Variants in GNG12 observed in about 807,000 individuals in gnomAD.
GNG12 encodes guanine nucleotide-binding protein G(I)/G(S)/G(O) subunit gamma-12.
For missense variants in GNG12, 69 were observed against 83.8 expected, an observed-to-expected ratio of 0.82 and a Z score of 0.69; for synonymous variants, 28 against 29.7, an observed-to-expected ratio of 0.94 and a Z score of 0.19.
intron 2 of GNG12, among the ~76,000 whole-genome samples, chr1:67,748,643 G>A (rs971212699): frequency 3.3e-5 from 5 of 152,230 alleles, no homozygotes; most frequent in Admixed American, 1.3e-4. Context: ...TTTTCCAGTG[G>A]TGATTTCATC....
chr1:67,719,746 G>A (rs1460742549), intron 2 of GNG12, among the ~76,000 whole-genome samples: 2 of 152,176 alleles, frequency 1.3e-5, no homozygotes, highest in Admixed American at 6.5e-5. Context: ...GAGATCAAAA[G>A]CTCAGGACAG....
chr1:67,766,102 ACACG>A (rs1553157545), intron 2 of GNG12, among the ~76,000 whole-genome samples: 6 of 132,918 alleles, frequency 4.5e-5, no homozygotes, highest in East Asian at 4.2e-4. Context: ...AACAAGGCAC[ACACG>A]CACACACACA....
intron 1 of GNG12, among the ~76,000 whole-genome samples, chr1:67,812,270 T>C (rs1646930594): frequency 6.6e-6 from 1 of 152,198 alleles, no homozygotes; most frequent in Non-Finnish European, 1.5e-5. Context: ...TATTTCCAGA[T>C]ACCATAGATT....
chr1:67,820,158 G>A (rs1266277403), intron 1 of GNG12, among the ~76,000 whole-genome samples: 1 of 151,976 alleles, frequency 6.6e-6, no homozygotes, highest in Non-Finnish European at 1.5e-5. Flanking sequence ...GGAGGCCGAG[G>A]TGGGCGGATC....
intron 1 of GNG12, among the ~76,000 whole-genome samples, chr1:67,827,901 C>T (rs1326411900): frequency 6.6e-6 from 1 of 152,198 alleles, no homozygotes; most frequent in Admixed American, 6.5e-5. Flanking sequence ...ATATGATTTT[C>T]AAGAGAGACT....
At chr1:67,740,901 A>G (rs141374444) in intron 2 of GNG12, among the ~76,000 whole-genome samples, 1 of 152,352 alleles carries the variant, frequency 6.6e-6, no homozygotes, top group East Asian at 1.9e-4. Context: ...TGTTGTTTAT[A>G]AGCCATCCAA....
chr1:67,768,422 A>T (rs959798261), intron 2 of GNG12, among the ~76,000 whole-genome samples: 1 of 152,244 alleles, frequency 6.6e-6, no homozygotes, highest in Non-Finnish European at 1.5e-5. Context: ...TTAAAAGCAG[A>T]TCATTGCACA....
intron 1 of GNG12, among the ~76,000 whole-genome samples, chr1:67,789,773 G>A (rs975181839): frequency 4.6e-5 from 7 of 152,208 alleles, no homozygotes; most frequent in African/African-American, 1.4e-4. Flanking sequence ...CAGACCTTTG[G>A]TGTAGATGAG....
intron 1 of GNG12, among the ~76,000 whole-genome samples, chr1:67,797,788 G>A (rs879602513): frequency 2.0e-5 from 3 of 152,092 alleles, no homozygotes; most frequent in Non-Finnish European, 2.9e-5. Context: ...ATATCATGGC[G>A]GGCACATAGC....
At chr1:67,718,758 C>A (rs1013893469) in intron 2 of GNG12, among the ~76,000 whole-genome samples, 1 of 152,138 alleles carries the variant, frequency 6.6e-6, no homozygotes, top group Non-Finnish European at 1.5e-5. Context: ...AGATATAGTA[C>A]CCCTTTCAGT....
chr1:67,739,731 G>C (rs1646472179), intron 2 of GNG12, among the ~76,000 whole-genome samples: 1 of 152,212 alleles, frequency 6.6e-6, no homozygotes, highest in Non-Finnish European at 1.5e-5. Context: ...CTACAAACCA[G>C]AGCAGATCAG....
chr1:67,714,432 T>G (rs985257558), intron 2 of GNG12, among the ~76,000 whole-genome samples: 22 of 152,352 alleles, frequency 1.4e-4, no homozygotes, highest in Middle Eastern at 3.4e-3. Context: ...CTCAGCTTTC[T>G]CATTGGAAAA....
chr1:67,749,137 C>T (rs564419608), intron 2 of GNG12, among the ~76,000 whole-genome samples: 1 of 152,260 alleles, frequency 6.6e-6, no homozygotes, highest in South Asian at 2.1e-4. Context: ...CTTATAGTAA[C>T]CGCAAATAAA....
intron 2 of GNG12, among the ~76,000 whole-genome samples, chr1:67,768,768 C>T (rs1646655773): frequency 6.6e-6 from 1 of 152,220 alleles, no homozygotes; most frequent in Non-Finnish European, 1.5e-5. Context: ...TATCTGCCCA[C>T]ACTAAGCCAC....
chr1:67,713,850 C>CTAGGCTCACTAACAAGATGAAA, intron 2 of GNG12, among the ~76,000 whole-genome samples: 1 of 152,328 alleles, frequency 6.6e-6, no homozygotes, highest in African/African-American at 2.4e-5. Context: ...ATGCCGGCCC[C>CTAGGCTCACTAACAAGATGAAA]TAGGCTCACT....
At chr1:67,707,570 T>C (rs1385606037) in intron 3 of GNG12, 24 bp downstream of exon 3, 1 of 1,199,188 alleles carries the variant, frequency 8.3e-7, no homozygotes. Flanking sequence ...AGAAAGCATA[T>C]GTTATCCAGT....
intron 1 of GNG12, among the ~76,000 whole-genome samples, chr1:67,800,441 C>T (rs1646858166): frequency 6.6e-6 from 1 of 152,102 alleles, no homozygotes; most frequent in African/African-American, 2.4e-5. Context: ...TGCCAAATAT[C>T]CAAGTCTGAA....
intron 2 of GNG12, among the ~76,000 whole-genome samples, chr1:67,772,867 C>T (rs1646682927): frequency 1.3e-5 from 2 of 152,192 alleles, no homozygotes; most frequent in African/African-American, 4.8e-5. Context: ...AAAGAGGCAC[C>T]CATAGCTGTG....
chr1:67,766,452 G>A (rs954040737), intron 2 of GNG12, among the ~76,000 whole-genome samples: 10 of 152,034 alleles, frequency 6.6e-5, no homozygotes, highest in South Asian at 2.1e-4. Context: ...CCAGCCCTTC[G>A]GCACAGTAAG....
Sources: gnomAD v4.1 joint callset for allele counts (sites outside exome capture counted in the v4.1 genomes callset) on GRCh38, gnomAD v4.1.1 for gene constraint, MANE v1.5 for transcripts, NCBI Gene and HGNC (gene_info 2026-07-23, HGNC 2026-07-21) for gene names.